The following AP1S1 variants were observed in gnomAD, a reference collection of about 807,000 sequenced individuals.
AP1S1 encodes the protein AP-1 complex subunit sigma-1A.
AP1S1 carries 13 observed loss-of-function variants against 23.9 expected under a neutral mutation model. The observed-to-expected ratio is 0.54, with a 90% CI of 0.35 to 0.86. AP1S1 has a LOEUF of 0.86. Ranked by LOEUF, AP1S1 falls within the 40% of genes least tolerant of loss-of-function variation. The pLI, the probability that AP1S1 is intolerant of heterozygous loss-of-function variation, is 0.01. For synonymous variants in AP1S1, 84 were observed against 77.7 expected (o/e 1.08, Z -0.43); for missense variants, 119 against 197.6 (o/e 0.60, Z 2.38).
chr7:101,160,703 G>A lies in AP1S1; in HGVS notation c.*137G>A. On this transcript the variant is annotated 3_prime_UTR_variant, in exon 5 of 5. Transcript: ENST00000337619. The stretch of plus-strand genomic sequence containing the variant: ...TGCCTCACCTTTCGGAGTGAGCTGT[G>A]GGCTCAGGCCCTTCAAACATTCCCT... 1 of 1,015,548 alleles carries A rather than the reference G, an allele frequency of 9.8e-7. No individual in the cohort carries two copies. The allele number at this position is 1,015,548 out of a possible 1,614,324, so 62.9% of individuals were successfully genotyped here.
chr7:101,159,889 G>A (rs1797060416), intron 4 of AP1S1, among the ~76,000 whole-genome samples: 1 of 151,700 alleles, frequency 6.6e-6, no homozygotes, highest in Non-Finnish European at 1.5e-5. Context: ...GCGAGGGAGG[G>A]CTCATCTTTG....
At chr7:101,154,831 C>T (rs1350529388) in intron 1 of AP1S1, 1 of 497,274 alleles carries the variant, frequency 2.0e-6, no homozygotes, top group Non-Finnish European at 2.6e-6. Context: ...AGGGAAGCCG[C>T]CCGAAGCAGA....
At chr7:101,154,629 C>G (rs1357029454) in intron 1 of AP1S1, 112 bp downstream of exon 1, 8 of 1,408,172 alleles carry the variant, frequency 5.7e-6, no homozygotes, top group Middle Eastern at 2.4e-4. Context: ...CTCTGGTCCT[C>G]AGAGGCCTCC....
chr7:101,158,764 G>A (rs1797036152), intron 3 of AP1S1, among the ~76,000 whole-genome samples: 5 of 152,146 alleles, frequency 3.3e-5, no homozygotes, highest in Admixed American at 3.3e-4. Flanking sequence ...TGAGGTGGGC[G>A]TGATAGCATG....
chr7:101,156,911 C>CTTT (rs34043825), intron 2 of AP1S1, 139 bp downstream of exon 2: 157 of 416,882 alleles, frequency 3.8e-4, no homozygotes, highest in South Asian at 1.0e-3. Context: ...TGTCAGCTTC[C>CTTT]TTTTTTTTTT....
chr7:101,157,971 T>A (rs1797021131), intron 3 of AP1S1, among the ~76,000 whole-genome samples: 1 of 151,958 alleles, frequency 6.6e-6, no homozygotes, highest in Non-Finnish European at 1.5e-5. Context: ...TTTTTTTTTT[T>A]AAGAGATGAG....
chr7:101,154,600 G>T, intron 1 of AP1S1, 83 bp downstream of exon 1: 7 of 1,526,690 alleles, frequency 4.6e-6, no homozygotes, highest in Non-Finnish European at 6.2e-6. Flanking sequence ...CGCCCTCGGG[G>T]TGAACCGCCC....
At chr7:101,154,669 C>G (rs1337834688) in intron 1 of AP1S1, 152 bp downstream of exon 1, 5 of 412,956 alleles carry the variant, frequency 1.2e-5, no homozygotes, top group African/African-American at 3.6e-5. Flanking sequence ...GAGCCGGGCT[C>G]GGGAGGAAGA....
rs202005592 is a variant in AP1S1 at position 101,159,233 on chromosome 7, C to G, written c.429+37C>G. ...GGACAGTGAGGAGGAGGAGGAAGCG[C>G]ACAGTGGCGGACAGGGTCCTCCCTC... On this transcript the variant is annotated intron_variant, in intron 4 of 4. Coordinates refer to ENST00000337619, the MANE Select transcript of AP1S1 (RefSeq NM_001283.5). 4.7e-3 allele frequency: 7,361 copies of G among 1,582,472 alleles called. 73 individuals are homozygous for G. Among genetic ancestry groups the G allele is most frequent in the Non-Finnish European group, 3.7e-3 (4,295 of 1,164,982 alleles).
chr7:101,156,911 CT>C (rs34043825), intron 2 of AP1S1, 139 bp downstream of exon 2: 169,628 of 415,676 alleles, frequency 0.41, 17,080 homozygotes, highest in Admixed American at 0.51. Flanking sequence ...TGTCAGCTTC[CT>C]TTTTTTTTTT....
At chr7:101,159,301 C>G (rs1042555334) in intron 4 of AP1S1, 105 bp downstream of exon 4, 46 of 1,486,696 alleles carry the variant, frequency 3.1e-5, no homozygotes, top group Admixed American at 1.4e-4. Context: ...GCCAAGGAGC[C>G]CCCCCTCCCT....
chr7:101,155,320 G>A (rs1008720226), intron 1 of AP1S1, among the ~76,000 whole-genome samples: 2 of 152,194 alleles, frequency 1.3e-5, no homozygotes, highest in Non-Finnish European at 2.9e-5. Context: ...GAATAGAAGA[G>A]CTACTGGGGT....
At chr7:101,158,881 C>T (rs1325622723) in intron 3 of AP1S1, among the ~76,000 whole-genome samples, 178 bp from the exon 4 acceptor site, 1 of 152,034 alleles carries the variant, frequency 6.6e-6, no homozygotes, top group African/African-American at 2.4e-5. Context: ...GCAGCCTGGA[C>T]GACAGAGCAA....
intron 4 of AP1S1, 33 bp downstream of exon 4, chr7:101,159,229 A>T: frequency 1.3e-6 from 2 of 1,588,528 alleles, no homozygotes; most frequent in South Asian, 2.3e-5. Context: ...AGGAGGAGGA[A>T]GCGCACAGTG....
At chr7:101,158,271 C>T (rs1408488099) in intron 3 of AP1S1, among the ~76,000 whole-genome samples, 3 of 152,206 alleles carry the variant, frequency 2.0e-5, no homozygotes, top group Non-Finnish European at 4.4e-5. Flanking sequence ...TTATAAAGTG[C>T]TTTTGCGTCC....
intron 4 of AP1S1, among the ~76,000 whole-genome samples, chr7:101,160,181 G>A (rs1308909011): frequency 6.6e-6 from 1 of 151,438 alleles, no homozygotes; most frequent in Non-Finnish European, 1.5e-5. Context: ...GCCCCAGAAA[G>A]ATCCCCCACC....
At chr7:101,158,437 G>T (rs1325978112) in intron 3 of AP1S1, among the ~76,000 whole-genome samples, 1 of 152,250 alleles carries the variant, frequency 6.6e-6, no homozygotes, top group Non-Finnish European at 1.5e-5. Context: ...CCATGGTCCA[G>T]AATTCCCTCT....
chr7:101,155,468 C>T (rs1043214973), intron 1 of AP1S1, among the ~76,000 whole-genome samples: 1 of 152,128 alleles, frequency 6.6e-6, no homozygotes, highest in Non-Finnish European at 1.5e-5. Context: ...AGGGGAACCC[C>T]CTGGGTGGCG....
Position 101,156,587 on chromosome 7 carries a change from C to T in AP1S1, c.4-7C>T, listed in dbSNP as rs780807874. On this transcript the variant is annotated splice_polypyrimidine_tract_variant and splice_region_variant and intron_variant, in intron 1 of 4. Coordinates refer to ENST00000337619, the MANE Select transcript of AP1S1 (RefSeq NM_001283.5). ...TACCCTCGGTTCTGCCCTCCCATCC[C>T]CCACAGATGCGGTTCATGCTATTAT... is the stretch of plus-strand genomic sequence containing the variant. 2 of 1,609,030 alleles carry T rather than the reference C, an allele frequency of 1.2e-6. No homozygotes were observed. Among genetic ancestry groups the T allele is most frequent in the Admixed American group, 3.4e-5 (2 of 59,572 alleles).
Sources: allele counts gnomAD v4.1 joint callset (sites outside exome capture counted in the v4.1 genomes callset), GRCh38; gene constraint gnomAD v4.1.1; transcripts MANE v1.5; gene names NCBI Gene and HGNC (gene_info 2026-07-23, HGNC 2026-07-21).